INO80D: variants seen among roughly 807,000 people sequenced by gnomAD.
INO80D encodes the protein INO80 complex subunit D.
Under a neutral mutation model 87.6 loss-of-function variants are expected in INO80D, and 21 were observed. The observed-to-expected ratio is 0.24, with a 90% CI of 0.17 to 0.35. The LOEUF (loss-of-function observed/expected upper bound fraction) is 0.35. Among genes scored for constraint, INO80D ranks in the 10% least tolerant of loss-of-function variants. The pLI, the probability that INO80D is intolerant of heterozygous loss-of-function variation, is 1.00. For synonymous variants in INO80D, 440 were observed against 491.0 expected, an observed-to-expected ratio of 0.90 and a Z score of 1.37; for missense variants, 982 against 1,280.7, an observed-to-expected ratio of 0.77 and a Z score of 3.56.
rs1687873959 is a variant in INO80D at position 205,999,861 on chromosome 2, T to C, written c.*4507A>G. ...GAATATAGGAAAATGTATAAAGATG[T>C]TAAGACATTATTAAACTGTTTTAAC... On this transcript the variant is annotated 3_prime_UTR_variant, in exon 11 of 11. Coordinates refer to ENST00000403263, the MANE Select transcript of INO80D (RefSeq NM_017759.5). The C allele has an allele frequency of 6.6e-6, 1 of 152,186 alleles. No individual in the cohort carries two copies. Among genetic ancestry groups the C allele is most frequent in the Admixed American group, 6.5e-5 (1 of 15,272 alleles). The allele number at this position is 152,186 out of a possible 1,614,324, so 9.4% of individuals were successfully genotyped here. A position where few individuals can be genotyped will look rare whatever the true frequency, so the allele number is the denominator to read the frequency against.
chr2:206,017,671 A>T lies in INO80D; in HGVS notation c.1542+9T>A, dbSNP rs1196281047. The stretch of plus-strand genomic sequence containing the variant: ...CAAAAAGTTTGAAAGCCTCTGTTGC[A>T]GAACTTACCATTTTTTTGGCATGTT... On this transcript the variant is annotated intron_variant, in intron 8 of 10. Coordinates refer to ENST00000403263, the MANE Select transcript of INO80D (RefSeq NM_017759.5). The T allele has an allele frequency of 6.4e-7, 1 of 1,567,798 alleles. No individual in the cohort carries two copies. The highest frequency in any genetic ancestry group is 1.2e-5 in the South Asian group (1 of 83,350).
chr2:206,079,848 A>C, intron 1 of INO80D, among the ~76,000 whole-genome samples: 1 of 151,316 alleles, frequency 6.6e-6, no homozygotes. Context: ...TCCTCCTCCA[A>C]CTCCTGGGAG....
At chr2:206,072,802 T>A (rs1178701405) in intron 1 of INO80D, among the ~76,000 whole-genome samples, 1 of 152,050 alleles carries the variant, frequency 6.6e-6, no homozygotes, top group Non-Finnish European at 1.5e-5. Context: ...TTACAACAAA[T>A]GCATTACTTT....
chr2:206,074,881 G>A (rs531044012), intron 1 of INO80D, among the ~76,000 whole-genome samples: 45 of 152,120 alleles, frequency 3.0e-4, no homozygotes, highest in Non-Finnish European at 5.7e-4. Context: ...AGAGGTTGCT[G>A]TGAGCCGAGA....
chr2:206,084,909 C>T (rs1690393988), intron 1 of INO80D, among the ~76,000 whole-genome samples: 1 of 152,194 alleles, frequency 6.6e-6, no homozygotes, highest in Non-Finnish European at 1.5e-5. Context: ...AAGCCCCTTG[C>T]AAACTTTTCC....
intron 1 of INO80D, among the ~76,000 whole-genome samples, chr2:206,069,705 T>C (rs1214288115): frequency 6.6e-6 from 1 of 152,172 alleles, no homozygotes; most frequent in Non-Finnish European, 1.5e-5. Context: ...CTAAGAAAAT[T>C]AGTATACTTA....
chr2:206,080,390 G>A (rs965770867), intron 1 of INO80D, among the ~76,000 whole-genome samples: 5 of 152,156 alleles, frequency 3.3e-5, no homozygotes, highest in South Asian at 2.1e-4. Context: ...CTTTGCCCTC[G>A]GTGTACTTAC....
At position 206,056,419 on chromosome 2, in the gene INO80D, G is replaced by A; in HGVS notation, c.743C>T (p.Thr248Ile). 1 of 1,613,948 alleles carries A rather than the reference G, an allele frequency of 6.2e-7. No homozygotes were observed. Among genetic ancestry groups the A allele is most frequent in the Non-Finnish European group, 8.5e-7 (1 of 1,179,882 alleles). Residue 248 changes from threonine (T) to isoleucine (I), a missense_variant, in exon 4 of 11, where the codon ACC becomes ATC. Thr to Ile is a moderately conservative substitution (Grantham distance 89). Coordinates refer to ENST00000403263, the MANE Select transcript of INO80D (RefSeq NM_017759.5). ...TSLPMQGVAPTTHTIAQARQL... is the reference protein window; with the variant it reads ...TSLPMQGVAPITHTIAQARQL... Reference sequence around the variant, plus strand: ...CCGTGCTTGTGCTATAGTGTGTGTGGTGGGTGCCACTCCCTGCATTGGTAG... The same window carrying A: ...CCGTGCTTGTGCTATAGTGTGTGTGATGGGTGCCACTCCCTGCATTGGTAG...
At chr2:206,069,931 C>A (rs997893236) in intron 1 of INO80D, among the ~76,000 whole-genome samples, 1 of 152,070 alleles carries the variant, frequency 6.6e-6, no homozygotes, top group African/African-American at 2.4e-5. Flanking sequence ...CTTTCTTTCC[C>A]CGAAAAGAGC....
chr2:206,007,459 G>A lies in INO80D; in HGVS notation c.1761-18C>T, dbSNP rs1025105601. ...ATGGGCTCCTGGGAAAGAGGACACTGTTGGTCCCATAACTCCCCCATTATC... is the reference window on the plus strand; with the variant it reads ...ATGGGCTCCTGGGAAAGAGGACACTATTGGTCCCATAACTCCCCCATTATC... On this transcript the variant is annotated intron_variant, in intron 9 of 10. Coordinates refer to ENST00000403263, the MANE Select transcript of INO80D (RefSeq NM_017759.5). 4 of 1,593,166 alleles carry A rather than the reference G, an allele frequency of 2.5e-6. No homozygotes were observed. Among genetic ancestry groups the A allele is most frequent in the Non-Finnish European group, 2.6e-6 (3 of 1,171,312 alleles).
At chr2:206,038,230 C>T (rs1688942765) in intron 5 of INO80D, among the ~76,000 whole-genome samples, 1 of 152,048 alleles carries the variant, frequency 6.6e-6, no homozygotes, top group Non-Finnish European at 1.5e-5. Flanking sequence ...TAAATGTGTA[C>T]AAATAATATG....
At chr2:206,056,140 C>T (rs933237711) in intron 4 of INO80D, 58 bp downstream of exon 4, 2 of 1,493,548 alleles carry the variant, frequency 1.3e-6, no homozygotes, top group Middle Eastern at 1.8e-4. Flanking sequence ...AAGCTCCACA[C>T]AACCGAACAC....
At chr2:206,050,670 T>A (rs1339094266) in intron 4 of INO80D, among the ~76,000 whole-genome samples, 3 of 146,604 alleles carry the variant, frequency 2.0e-5, no homozygotes, top group Admixed American at 6.8e-5. Context: ...AAACATTTTT[T>A]AAAAATTGTT....
In INO80D at chr2:205,997,311, C is replaced by T. The variant is rs1011502561; in HGVS notation, c.*7057G>A. ...TAGCTGAAATATGGGGATGGGAGCACTCTTAAGTTAATAAATAACAGCAGA... is the reference window on the plus strand; with the variant it reads ...TAGCTGAAATATGGGGATGGGAGCATTCTTAAGTTAATAAATAACAGCAGA... On this transcript the variant is annotated 3_prime_UTR_variant, in exon 11 of 11. Transcript: ENST00000403263. 1.3e-5 allele frequency: 2 copies of T among 151,716 alleles called. No homozygotes were observed. The highest frequency in any genetic ancestry group is 4.8e-5 in the African/African-American group (2 of 41,296). 9.4% of individuals were successfully genotyped at this position (151,716 alleles called of 1,614,324 possible).
At chr2:206,061,727 A>T (rs1275090917) in intron 3 of INO80D, among the ~76,000 whole-genome samples, 1 of 152,178 alleles carries the variant, frequency 6.6e-6, no homozygotes, top group Non-Finnish European at 1.5e-5. Context: ...CACCAACACA[A>T]ATTATTTATT....
At chr2:206,049,648 A>G (rs777322609) in intron 4 of INO80D, among the ~76,000 whole-genome samples, 1 of 152,212 alleles carries the variant, frequency 6.6e-6, no homozygotes, top group Non-Finnish European at 1.5e-5. Context: ...ACTAGCTGAC[A>G]TAACTAGCCC....
chr2:206,070,051 G>C (rs1267310659), intron 1 of INO80D, among the ~76,000 whole-genome samples: 1 of 151,890 alleles, frequency 6.6e-6, no homozygotes. Flanking sequence ...AGGCGTGTAG[G>C]CTGCTTTGAG....
intron 3 of INO80D, among the ~76,000 whole-genome samples, chr2:206,061,548 T>C (rs1444203984): frequency 6.6e-6 from 1 of 152,260 alleles, no homozygotes; most frequent in Non-Finnish European, 1.5e-5. Context: ...TTTAGCCTAA[T>C]ACATACATCC....
At chr2:206,029,079 G>A (rs527529485) in intron 5 of INO80D, among the ~76,000 whole-genome samples, 13 of 151,754 alleles carry the variant, frequency 8.6e-5, no homozygotes, top group Non-Finnish European at 1.8e-4. Flanking sequence ...TAATAGAGAC[G>A]GGGTTTCACC....
Sources: allele counts gnomAD v4.1 joint callset (sites outside exome capture counted in the v4.1 genomes callset), GRCh38; gene constraint gnomAD v4.1.1; transcripts MANE v1.5; gene names NCBI Gene and HGNC (gene_info 2026-07-23, HGNC 2026-07-21).